The following SLC31A2 variants were observed in gnomAD, a reference collection of about 807,000 sequenced individuals.
SLC31A2 encodes the protein solute carrier family 31 member 2.
In SLC31A2, 16 loss-of-function variants were observed where a neutral mutation model predicts 14.4. The ratio of observed to expected loss-of-function variants is 1.11; its 90% CI spans 0.75 to 1.69. The LOEUF (loss-of-function observed/expected upper bound fraction) is 1.69, where lower values mean the gene tolerates loss of function less well. Ranked by LOEUF, SLC31A2 falls within the 40% of genes most tolerant of loss-of-function variation. The pLI, the probability that SLC31A2 is intolerant of heterozygous loss-of-function variation, is 0.00. For missense variants in SLC31A2, 140 were observed against 173.9 expected (o/e 0.81, Z 1.10); for synonymous variants, 56 against 68.7 (o/e 0.82, Z 0.91).
In SLC31A2 at chr9:113,154,893, C is replaced by T. The variant is rs114688256; in HGVS notation, c.7-2834C>T. Among the ~76,000 whole-genome samples, 457 of 152,324 alleles carry T rather than the reference C, an allele frequency of 3.0e-3. 3 individuals carry two copies. Among genetic ancestry groups the T allele is most frequent in the African/African-American group, 0.011 (439 of 41,570 alleles). ...TTTAAGGTGCACTCTTCATCTTTCT[C>T]AGGAAATATGGGCCAGCTATTGGCT... is the stretch of plus-strand genomic sequence containing the variant. On this transcript the variant is annotated intron_variant, in intron 1 of 3. Transcript: ENST00000259392.
intron 1 of SLC31A2, among the ~76,000 whole-genome samples, chr9:113,156,453 T>C (rs1829935341): frequency 6.6e-6 from 1 of 152,200 alleles, no homozygotes; most frequent in South Asian, 2.1e-4. Flanking sequence ...AGAAGAAAGA[T>C]TTTAATTGGC....
At chr9:113,157,815 C>T (rs1391366970) in intron 2 of SLC31A2, 22 bp downstream of exon 2, 1 of 1,597,706 alleles carries the variant, frequency 6.3e-7, no homozygotes, top group Non-Finnish European at 8.6e-7. Context: ...GGACCTCAGA[C>T]TTGTAGCTTG....
chr9:113,151,789 C>G lies in SLC31A2; in HGVS notation c.6+709C>G, dbSNP rs1253524328. On this transcript the variant is annotated intron_variant, in intron 1 of 3. Transcript: ENST00000259392. The surrounding 1 kb of genome is among the most constrained non-coding windows in gnomAD (Gnocchi z 4.2). ...TCAGCCTGGGCAACATAGCTAGACC[C>G]CGTCTCTACAAAAATTAGCCACAAG... is the stretch of plus-strand genomic sequence containing the variant. 6.6e-6 allele frequency: 1 copy of G among 151,970 alleles called. No individual in the cohort carries two copies. Among genetic ancestry groups the G allele is most frequent in the Non-Finnish European group, 1.5e-5 (1 of 68,010 alleles). The allele number at this position is 151,970 out of a possible 1,614,324, so 9.4% of individuals were successfully genotyped here.
At position 113,162,814 on chromosome 9, in the gene SLC31A2, T is replaced by A; in HGVS notation, c.329T>A (p.Ile110Asn). ...HVIQVVIGYF[I>N]MLAVMSYNTW... is the part of the protein sequence containing the mutation. ...ATCCAGGTGGTCATCGGCTACTTCA[T>A]CATGCTGGCCGTAATGTCCTACAAC... The change falls in exon 4 of 4, where the codon ATC (isoleucine) becomes AAC (asparagine). Residue 110 changes from isoleucine to asparagine, a missense_variant. Physicochemically the swap from Ile to Asn is moderately radical, Grantham distance 149 (BLOSUM62 -3). Coordinates refer to ENST00000259392, the MANE Select transcript of SLC31A2 (RefSeq NM_001860.3). The A allele has an allele frequency of 6.2e-7, 1 of 1,613,870 alleles. No individual in the cohort carries two copies. Among genetic ancestry groups the A allele is most frequent in the Non-Finnish European group, 8.5e-7 (1 of 1,179,806 alleles).
chr9:113,164,089 G>A lies in SLC31A2; in HGVS notation c.*1172G>A, dbSNP rs1440101902. On this transcript the variant is annotated 3_prime_UTR_variant, in exon 4 of 4. Transcript: ENST00000259392. ...GATGAAAAGATGGTTGTAAGCTTTGGGAATTAAAAACAAACAAATACATTT... is the reference window on the plus strand; with the variant it reads ...GATGAAAAGATGGTTGTAAGCTTTGAGAATTAAAAACAAACAAATACATTT... 1.5e-5 allele frequency: 2 copies of A among 137,534 alleles called. No individual in the cohort carries two copies. Among genetic ancestry groups the A allele is most frequent in the African/African-American group, 5.4e-5 (2 of 37,090 alleles). 8.5% of individuals were successfully genotyped at this position (137,534 alleles called of 1,614,324 possible). A position where few individuals can be genotyped will look rare whatever the true frequency, so the allele number is the denominator to read the frequency against.
chr9:113,162,460 T>A lies in SLC31A2; in HGVS notation c.264-289T>A, dbSNP rs531017520. 2.8e-5 allele frequency: 8 copies of A among 282,550 alleles called. No homozygotes were observed. The South Asian group carries it at 4.5e-4, about 16-fold the overall frequency. 17.5% of individuals were successfully genotyped at this position (282,550 alleles called of 1,614,324 possible). A position where few individuals can be genotyped will look rare whatever the true frequency, so the allele number is the denominator to read the frequency against. On this transcript the variant is annotated intron_variant, in intron 3 of 3. Transcript: ENST00000259392. ...TGCCTTACTGATGATTTTCTCTTATTCCTTATCAGAAAGACAGATTATAGA... is the reference window on the plus strand; with the variant it reads ...TGCCTTACTGATGATTTTCTCTTATACCTTATCAGAAAGACAGATTATAGA...
At chr9:113,156,258 C>G in intron 1 of SLC31A2, 2 of 426,624 alleles carry the variant, frequency 4.7e-6, no homozygotes, top group South Asian at 1.7e-5. Flanking sequence ...CTGAGAGTAA[C>G]CCGCTTATAA....
intron 3 of SLC31A2, 64 bp from the exon 4 acceptor site, chr9:113,162,685 C>G: frequency 6.8e-7 from 1 of 1,461,092 alleles, no homozygotes; most frequent in Non-Finnish European, 9.4e-7. Flanking sequence ...TCCCTGATAT[C>G]TACTCCCAGC....
intron 2 of SLC31A2, among the ~76,000 whole-genome samples, chr9:113,160,395 TTGGGGTACACGTGA>T (rs1426659827): frequency 6.6e-6 from 1 of 152,178 alleles, no homozygotes; most frequent in Non-Finnish European, 1.5e-5. Flanking sequence ...TGTACATGTT[TTGGGGTACACGTGA>T]TATTTTGATA....
Position 113,151,395 on chromosome 9 carries a change from G to A in SLC31A2, c.6+315G>A, listed in dbSNP as rs1483060744. On this transcript the variant is annotated intron_variant, in intron 1 of 3. Coordinates refer to ENST00000259392, the MANE Select transcript of SLC31A2 (RefSeq NM_001860.3). This position sits in a 1 kb window ranked among gnomAD's most constrained non-coding sequence, Gnocchi z 4.2. ...AAGACAGCTGGGTCCGGGGCCCCCG[G>A]CCCCGGACCTCTGGCCGGCGCCCCA... Among the ~76,000 whole-genome samples, 5 of 151,794 alleles carry A rather than the reference G, an allele frequency of 3.3e-5. No individual in the cohort carries two copies. The highest frequency in any genetic ancestry group is 5.9e-5 in the Non-Finnish European group (4 of 67,930).
rs751564794 is a variant in SLC31A2 at position 113,162,846 on chromosome 9, A to C, written c.361A>C (p.Ile121Leu). The C allele has an allele frequency of 1.3e-5, 21 of 1,613,410 alleles. No homozygotes were observed. In the East Asian group the frequency reaches 4.7e-4, roughly 36 times the overall value. The change falls in exon 4 of 4, where the codon ATT (isoleucine) becomes CTT (leucine). Residue 121 changes from isoleucine (I) to leucine (L), a missense_variant. Physicochemically the swap from Ile to Leu is conservative, Grantham distance 5. Coordinates refer to ENST00000259392, the MANE Select transcript of SLC31A2 (RefSeq NM_001860.3). ...GGCCGTAATGTCCTACAACACCTGG[A>C]TTTTCCTTGGTGTGGTCTTGGGCTC... ...MLAVMSYNTW[I>L]FLGVVLGSAV... is the part of the protein sequence containing the mutation.
intron 3 of SLC31A2, 58 bp from the exon 4 acceptor site, chr9:113,162,691 C>T: frequency 6.6e-7 from 1 of 1,513,670 alleles, no homozygotes; most frequent in Non-Finnish European, 9.0e-7. Context: ...ATATCTACTC[C>T]CAGCTTCCTC....
chr9:113,153,310 T>A (rs1829892911), intron 1 of SLC31A2, among the ~76,000 whole-genome samples: 1 of 152,116 alleles, frequency 6.6e-6, no homozygotes, highest in African/African-American at 2.4e-5. Flanking sequence ...ATCTTTATCA[T>A]GTTGTGATGT....
chr9:113,157,780 C>G lies in SLC31A2; in HGVS notation c.60C>G (p.Val20=). The G allele has an allele frequency of 6.2e-7, 1 of 1,612,610 alleles. No individual in the cohort carries two copies. Residue 20 remains valine, a synonymous_variant, in exon 2 of 4, where the codon GTC becomes GTG. Coordinates refer to ENST00000259392, the MANE Select transcript of SLC31A2 (RefSeq NM_001860.3). ...TAVLLFDFWS[V]HSPAGMALSV... ...TGCTTCTGTTTGATTTCTGGAGTGT[C>G]CACAGTCCTGCTGGTAAGAATTGGG...
In SLC31A2 at chr9:113,163,883, CATG is replaced by C. The variant is rs1291685431; in HGVS notation, c.*969_*971del. On this transcript the variant is annotated 3_prime_UTR_variant, in exon 4 of 4. Coordinates refer to ENST00000259392, the MANE Select transcript of SLC31A2 (RefSeq NM_001860.3). The stretch of plus-strand genomic sequence containing the variant: ...TACTCGTAATGATCTAGTGGGGAAA[CATG>C]ATTCATTCACTTAAAATACTGATTA... 1.3e-5 allele frequency: 2 copies of C among 148,934 alleles called. No individual in the cohort carries two copies. The highest frequency in any genetic ancestry group is 1.5e-5 in the Non-Finnish European group (1 of 67,502). 9.2% of individuals were successfully genotyped at this position (148,934 alleles called of 1,614,324 possible).
At chr9:113,156,106 A>C in intron 1 of SLC31A2, 1 of 518,848 alleles carries the variant, frequency 1.9e-6, no homozygotes, top group South Asian at 1.4e-5. Context: ...ACAAAATGGC[A>C]GCTAATCAAA....
chr9:113,153,476 C>T (rs1433430344), intron 1 of SLC31A2, among the ~76,000 whole-genome samples: 1 of 152,184 alleles, frequency 6.6e-6, no homozygotes, highest in Non-Finnish European at 1.5e-5. Flanking sequence ...ACCCAGTACA[C>T]TAAGGTTTGA....
chr9:113,163,005 T>C lies in SLC31A2; in HGVS notation c.*88T>C. ...TACTTCCAACTGCCCTTTCTTCTGA[T>C]GGCTATTCCTCCACCTTATTCCCAG... On this transcript the variant is annotated 3_prime_UTR_variant, in exon 4 of 4. Coordinates refer to ENST00000259392, the MANE Select transcript of SLC31A2 (RefSeq NM_001860.3). The C allele has an allele frequency of 8.2e-6, 10 of 1,225,056 alleles. No homozygotes were observed. Among genetic ancestry groups the C allele is most frequent in the Non-Finnish European group, 1.1e-5 (10 of 905,996 alleles). The allele number at this position is 1,225,056 out of a possible 1,614,324, so 75.9% of individuals were successfully genotyped here. A position where few individuals can be genotyped will look rare whatever the true frequency, so the allele number is the denominator to read the frequency against.
Position 113,162,899 on chromosome 9 carries a change from A to G in SLC31A2, c.414A>G (p.Pro138=), listed in dbSNP as rs201396206. The G allele has an allele frequency of 1.1e-5, 17 of 1,610,012 alleles. No individual in the cohort carries two copies. In the African/African-American group the frequency reaches 2.0e-4, roughly 19 times the overall value. The change falls in exon 4 of 4, where the codon CCA becomes CCG. Residue 138 remains proline (P), a synonymous_variant. Transcript: ENST00000259392. ...GSAVGYYLAY[P]LLSTA The stretch of plus-strand genomic sequence containing the variant: ...CTGTGGGCTACTACCTAGCTTACCC[A>G]CTTCTCAGCACAGCTTAGCTGGTGA...
Sources: gnomAD v4.1 joint callset for allele counts (sites outside exome capture counted in the v4.1 genomes callset) on GRCh38, gnomAD v4.1.1 for gene constraint, Gnocchi (gnomAD v3.1) non-coding constraint, MANE v1.5 for transcripts, NCBI Gene and HGNC (gene_info 2026-07-23, HGNC 2026-07-21) for gene names.